The following CNTNAP2 variants were observed in gnomAD, a reference collection of about 807,000 sequenced individuals.
CNTNAP2 encodes contactin-associated protein-like 2.
In CNTNAP2, 98 loss-of-function variants were observed where a neutral mutation model predicts 155.2. The observed-to-expected ratio is 0.63, with a 90% CI of 0.54 to 0.75. The LOEUF (loss-of-function observed/expected upper bound fraction) is 0.75. Among genes scored for constraint, CNTNAP2 ranks in the 30% least tolerant of loss-of-function variants. The probability of loss-of-function intolerance (pLI) is 0.00; values close to 1 mark genes in which losing one functional copy is unlikely to be tolerated. For missense variants in CNTNAP2, 1,727 were observed against 1,688.1 expected, an observed-to-expected ratio of 1.02 and a Z score of -0.40; for synonymous variants, 651 against 631.2, an observed-to-expected ratio of 1.03 and a Z score of -0.47.
At chr7:146,553,853 G>A (rs1017860434) in intron 1 of CNTNAP2, among the ~76,000 whole-genome samples, 5 of 151,952 alleles carry the variant, frequency 3.3e-5, no homozygotes, top group African/African-American at 4.8e-5. Flanking sequence ...TGCTGTCTGC[G>A]TACTCATGAC....
At chr7:148,088,054 G>A (rs1803767642) in intron 15 of CNTNAP2, among the ~76,000 whole-genome samples, 1 of 151,896 alleles carries the variant, frequency 6.6e-6, no homozygotes, top group East Asian at 1.9e-4. Flanking sequence ...AGTTCTGTAG[G>A]GTTCCAAACC....
chr7:147,080,209 C>T (rs77236162), intron 4 of CNTNAP2, among the ~76,000 whole-genome samples: 206 of 152,292 alleles, frequency 1.4e-3, no homozygotes, highest in African/African-American at 4.7e-3. Flanking sequence ...ACCCTGTCAC[C>T]ATGCCTGGAG....
intron 1 of CNTNAP2, among the ~76,000 whole-genome samples, chr7:146,624,226 TTAAG>T (rs1383819969): frequency 3.3e-5 from 5 of 152,080 alleles, no homozygotes; most frequent in Non-Finnish European, 7.4e-5. Flanking sequence ...GTTAATTCTT[TTAAG>T]TGTCTTTTGA....
intron 1 of CNTNAP2, among the ~76,000 whole-genome samples, chr7:146,156,290 G>C (rs1354253401): frequency 1.3e-5 from 2 of 152,068 alleles, no homozygotes; most frequent in African/African-American, 2.4e-5. Context: ...GAAAACCAAA[G>C]AGAAAATAAA....
At chr7:146,308,025 T>G (rs1800747241) in intron 1 of CNTNAP2, among the ~76,000 whole-genome samples, 1 of 151,486 alleles carries the variant, frequency 6.6e-6, no homozygotes, top group African/African-American at 2.4e-5. Flanking sequence ...GAAACTACCA[T>G]CAGAGTGAAC....
intron 13 of CNTNAP2, among the ~76,000 whole-genome samples, chr7:147,667,536 G>A (rs1387494171): frequency 6.6e-6 from 1 of 152,128 alleles, no homozygotes; most frequent in Non-Finnish European, 1.5e-5. Context: ...GGATGACCCA[G>A]CTCCTTTCCA....
chr7:146,955,511 C>T (rs1226549852), intron 3 of CNTNAP2, among the ~76,000 whole-genome samples: 1 of 151,928 alleles, frequency 6.6e-6, no homozygotes, highest in Non-Finnish European at 1.5e-5. Flanking sequence ...GCTCCTTGCA[C>T]CACAGTGACT....
chr7:148,283,323 A>AG (rs1472501675), intron 21 of CNTNAP2, among the ~76,000 whole-genome samples: 2 of 125,708 alleles, frequency 1.6e-5, no homozygotes, highest in African/African-American at 3.5e-5. Flanking sequence ...AAGGAAGGAA[A>AG]GAAAGAAAGA....
intron 1 of CNTNAP2, among the ~76,000 whole-genome samples, chr7:146,755,895 A>G (rs1801987287): frequency 2.0e-5 from 3 of 151,888 alleles, no homozygotes; most frequent in Admixed American, 2.0e-4. Context: ...ACATATGTTT[A>G]TTTGCCATAT....
intron 8 of CNTNAP2, among the ~76,000 whole-genome samples, chr7:147,231,917 A>AT (rs1803689359): frequency 6.6e-6 from 1 of 151,982 alleles, no homozygotes; most frequent in African/African-American, 2.4e-5. Flanking sequence ...TTTGTTTGTG[A>AT]TTTTTGCTGT....
intron 21 of CNTNAP2, among the ~76,000 whole-genome samples, chr7:148,312,750 T>C (rs1192739960): frequency 6.6e-6 from 1 of 152,056 alleles, no homozygotes; most frequent in African/African-American, 2.4e-5. Context: ...AACAGGCAAG[T>C]GATAACAGAC....
At chr7:148,084,790 T>C (rs552096824) in intron 15 of CNTNAP2, among the ~76,000 whole-genome samples, 6 of 152,286 alleles carry the variant, frequency 3.9e-5, no homozygotes, top group South Asian at 4.1e-4. Context: ...ATCCACACTC[T>C]CCTAGAGGAG....
intron 1 of CNTNAP2, among the ~76,000 whole-genome samples, chr7:146,218,464 G>C (rs186558662): frequency 6.6e-6 from 1 of 151,950 alleles, no homozygotes; most frequent in Non-Finnish European, 1.5e-5. Context: ...AGCTGAGATC[G>C]CGCCACTGCA....
chr7:146,432,648 C>A (rs1207534037), intron 1 of CNTNAP2, among the ~76,000 whole-genome samples: 1 of 152,146 alleles, frequency 6.6e-6, no homozygotes. Flanking sequence ...CGTCTTTCCT[C>A]ATTTGCTAAA....
intron 21 of CNTNAP2, among the ~76,000 whole-genome samples, chr7:148,358,542 T>C (rs1411564355): frequency 2.0e-5 from 3 of 152,182 alleles, no homozygotes; most frequent in African/African-American, 7.2e-5. Flanking sequence ...CCACTTACCA[T>C]GTTGTCTGGG....
At chr7:146,387,666 C>G (rs576366389) in intron 1 of CNTNAP2, among the ~76,000 whole-genome samples, 14 of 152,294 alleles carry the variant, frequency 9.2e-5, no homozygotes, top group African/African-American at 3.4e-4. Context: ...CTTAATATTT[C>G]CATCAGGCTG....
intron 13 of CNTNAP2, among the ~76,000 whole-genome samples, chr7:147,652,129 A>G (rs1563039567): frequency 6.6e-6 from 1 of 152,208 alleles, no homozygotes; most frequent in Non-Finnish European, 1.5e-5. Context: ...TTTCCCACCA[A>G]TGAATGATAA....
intron 10 of CNTNAP2, among the ~76,000 whole-genome samples, chr7:147,461,718 G>A (rs1371713933): frequency 6.6e-6 from 1 of 151,730 alleles, no homozygotes; most frequent in African/African-American, 2.4e-5. Flanking sequence ...CTAGTGAACT[G>A]AAGAATAATT....
In CNTNAP2 at chr7:147,535,499, T is replaced by C. The variant is rs544692042; in HGVS notation, c.1778-26639T>C. ...AAATATGACAGTGGAAAAAGATTTC[T>C]AGTTGGAGAATGAAAACTTCCTAAA... On this transcript the variant is annotated intron_variant, in intron 11 of 23. Transcript: ENST00000361727. Among the ~76,000 whole-genome samples, 123 of 152,362 alleles carry C rather than the reference T, an allele frequency of 8.1e-4. 4 individuals carry two copies. The South Asian group carries it at 0.025, about 31-fold the overall frequency.
Sources: gnomAD v4.1 joint callset for allele counts (sites outside exome capture counted in the v4.1 genomes callset) on GRCh38, gnomAD v4.1.1 for gene constraint, MANE v1.5 for transcripts, NCBI Gene and HGNC (gene_info 2026-07-23, HGNC 2026-07-21) for gene names.